The following CSMD3 variants were observed in gnomAD, a reference collection of about 807,000 sequenced individuals.
CSMD3 encodes CUB and sushi domain-containing protein 3.
Under a neutral mutation model 435.2 loss-of-function variants are expected in CSMD3, and 177 were observed. That is an observed-to-expected ratio of 0.41 (90% confidence interval 0.36 to 0.46). The LOEUF (loss-of-function observed/expected upper bound fraction) is 0.46, where lower values mean the gene tolerates loss of function less well. Among genes scored for constraint, CSMD3 ranks in the 20% least tolerant of loss-of-function variants. The pLI is 0.34. For synonymous variants in CSMD3, 1,656 were observed against 1,520.5 expected (o/e 1.09, Z -2.07); for missense variants, 4,265 against 4,504.6 (o/e 0.95, Z 1.52).
chr8:113,431,906 A>G (rs2094676088), intron 1 of CSMD3, among the ~76,000 whole-genome samples: 1 of 152,182 alleles, frequency 6.6e-6, no homozygotes, highest in African/African-American at 2.4e-5. Context: ...AAAGACGCGT[A>G]TACTCCAAAT....
chr8:113,202,900 G>A (rs1449735723), intron 3 of CSMD3, among the ~76,000 whole-genome samples: 2 of 152,040 alleles, frequency 1.3e-5, no homozygotes, highest in East Asian at 3.9e-4. Context: ...TTTTTCACCT[G>A]AGCAATTGTC....
intron 38 of CSMD3, among the ~76,000 whole-genome samples, chr8:112,355,676 A>T (rs891617240): frequency 1.3e-5 from 2 of 151,938 alleles, no homozygotes; most frequent in African/African-American, 2.4e-5. Flanking sequence ...TACTAAAAAT[A>T]TAAAAAATTA....
At chr8:112,301,685 T>A in intron 53 of CSMD3, 108 bp downstream of exon 53, 2 of 828,658 alleles carry the variant, frequency 2.4e-6, no homozygotes, top group Non-Finnish European at 4.1e-6. Flanking sequence ...TTTAACATAC[T>A]TACTGAATGA....
At chr8:112,498,705 G>A (rs1056931299) in intron 30 of CSMD3, among the ~76,000 whole-genome samples, 1 of 151,938 alleles carries the variant, frequency 6.6e-6, no homozygotes, top group African/African-American at 2.4e-5. Context: ...TTGTTAAAAG[G>A]TTTCTTTCTT....
At chr8:113,035,512 A>C (rs1430290696) in intron 5 of CSMD3, among the ~76,000 whole-genome samples, 2 of 152,146 alleles carry the variant, frequency 1.3e-5, no homozygotes, top group East Asian at 3.9e-4. Context: ...AAGTAACTAC[A>C]AAGGGCCATG....
chr8:113,039,989 G>A (rs975642377), intron 5 of CSMD3, among the ~76,000 whole-genome samples: 1 of 152,164 alleles, frequency 6.6e-6, no homozygotes, highest in Non-Finnish European at 1.5e-5. Flanking sequence ...TCTTGTTGGA[G>A]AGGGAAAAAA....
chr8:112,688,808 C>A (rs951716331), intron 14 of CSMD3, among the ~76,000 whole-genome samples: 2 of 151,798 alleles, frequency 1.3e-5, no homozygotes, highest in African/African-American at 4.8e-5. Flanking sequence ...AAAATGTTTT[C>A]TAGTATTCAA....
intron 17 of CSMD3, among the ~76,000 whole-genome samples, chr8:112,663,746 C>G (rs2075447734): frequency 6.6e-6 from 1 of 152,012 alleles, no homozygotes; most frequent in Non-Finnish European, 1.5e-5. Context: ...TAGGCTTATT[C>G]AATCTTAAAT....
At chr8:113,319,941 T>A (rs1398471515) in intron 1 of CSMD3, among the ~76,000 whole-genome samples, 4 of 152,068 alleles carry the variant, frequency 2.6e-5, no homozygotes, top group Non-Finnish European at 4.4e-5. Flanking sequence ...GATGATTGTT[T>A]TCCTATATTC....
intron 8 of CSMD3, among the ~76,000 whole-genome samples, chr8:112,948,143 T>A (rs2083680857): frequency 6.6e-6 from 1 of 151,940 alleles, no homozygotes; most frequent in African/African-American, 2.4e-5. Flanking sequence ...ATCACTTTTG[T>A]TTTTAGTTTC....
intron 32 of CSMD3, among the ~76,000 whole-genome samples, chr8:112,420,523 C>G (rs1463719794): frequency 6.6e-6 from 1 of 152,100 alleles, no homozygotes; most frequent in Non-Finnish European, 1.5e-5. Flanking sequence ...AATTCAAAGT[C>G]CATACATTTC....
At chr8:113,372,848 G>A (rs1284238173) in intron 1 of CSMD3, among the ~76,000 whole-genome samples, 2 of 151,650 alleles carry the variant, frequency 1.3e-5, no homozygotes, top group Non-Finnish European at 2.9e-5. Flanking sequence ...GCAGGAGAAC[G>A]GCGTGAACCC....
At chr8:112,475,132 T>C (rs1818916173) in intron 31 of CSMD3, among the ~76,000 whole-genome samples, 3 of 152,184 alleles carry the variant, frequency 2.0e-5, no homozygotes, top group Admixed American at 2.0e-4. Context: ...TTTGAATGAA[T>C]GTGACAAAAA....
chr8:112,420,397 C>T (rs888571801), intron 32 of CSMD3, among the ~76,000 whole-genome samples: 1 of 152,042 alleles, frequency 6.6e-6, no homozygotes, highest in Non-Finnish European at 1.5e-5. Context: ...AATATAATTA[C>T]CAGATCTAAC....
intron 27 of CSMD3, among the ~76,000 whole-genome samples, chr8:112,544,071 G>A (rs1037197817): frequency 2.0e-5 from 3 of 152,262 alleles, no homozygotes; most frequent in Non-Finnish European, 4.4e-5. Context: ...GCTTAGGGGA[G>A]ATGGGATATG....
At chr8:112,686,985 G>A (rs2076027482) in intron 14 of CSMD3, among the ~76,000 whole-genome samples, 1 of 151,788 alleles carries the variant, frequency 6.6e-6, no homozygotes, top group African/African-American at 2.4e-5. Flanking sequence ...ATTTAAAATT[G>A]TATTTTAAAA....
chr8:112,787,619 G>A (rs866232206), intron 13 of CSMD3, among the ~76,000 whole-genome samples: 1 of 152,190 alleles, frequency 6.6e-6, no homozygotes, highest in East Asian at 1.9e-4. Flanking sequence ...TAAAAGGTGA[G>A]CTCCTGTCAT....
intron 13 of CSMD3, among the ~76,000 whole-genome samples, chr8:112,719,839 A>G (rs1172069020): frequency 1.3e-5 from 2 of 152,204 alleles, no homozygotes; most frequent in African/African-American, 4.8e-5. Flanking sequence ...TTTATTTGAA[A>G]TATCTTTCAG....
intron 1 of CSMD3, among the ~76,000 whole-genome samples, chr8:113,434,112 C>G (rs911300902): frequency 6.6e-6 from 1 of 152,234 alleles, no homozygotes; most frequent in Non-Finnish European, 1.5e-5. Context: ...TTTCCTCCCA[C>G]TAAGCCTCTT....
Sources: allele counts gnomAD v4.1 joint callset (sites outside exome capture counted in the v4.1 genomes callset), GRCh38; gene constraint gnomAD v4.1.1; transcripts MANE v1.5; gene names NCBI Gene and HGNC (gene_info 2026-07-23, HGNC 2026-07-21).